GPSM2: variants seen among roughly 807,000 people sequenced by gnomAD.
GPSM2 encodes G protein-signaling modulator 2.
A neutral mutation model predicts 78.4 loss-of-function variants in GPSM2; 58 were observed. The observed-to-expected ratio is 0.74, with a 90% CI of 0.60 to 0.92. The LOEUF is 0.92. GPSM2 is among the 40% of genes least tolerant of loss of function. GPSM2 has a pLI of 0.00. For missense variants in GPSM2, 700 were observed against 815.5 expected (o/e 0.86, Z 1.73); for synonymous variants, 224 against 280.2 (o/e 0.80, Z 2.00).
intron 14 of GPSM2, chr1:108,924,436 T>A (rs1650976188): frequency 4.0e-6 from 2 of 500,836 alleles, no homozygotes; most frequent in South Asian, 4.3e-5. Flanking sequence ...AGGAGAGACG[T>A]GTGTGTGTGT....
At chr1:108,883,693 G>A (rs1005920868) in intron 1 of GPSM2, among the ~76,000 whole-genome samples, 1 of 152,102 alleles carries the variant, frequency 6.6e-6, no homozygotes, top group Non-Finnish European at 1.5e-5. Flanking sequence ...TCTCTCTAAT[G>A]TATCGGTATG....
rs975479654 is a variant in GPSM2 at position 108,928,197 on chromosome 1, A to G, written c.1816-1504A>G. Among the ~76,000 whole-genome samples the G allele has an allele frequency of 3.3e-5, 5 of 152,386 alleles. No individual in the cohort carries two copies. The East Asian group carries it at 9.6e-4, about 29-fold the overall frequency. ...TACCCAGAATATATAGAAAACTCCTAAAACTCAACAAAAACCAACCTGATT... is the reference window on the plus strand; with the variant it reads ...TACCCAGAATATATAGAAAACTCCTGAAACTCAACAAAAACCAACCTGATT... On this transcript the variant is annotated intron_variant, in intron 14 of 14. Coordinates refer to ENST00000264126, the MANE Select transcript of GPSM2 (RefSeq NM_013296.5).
Position 108,929,886 on chromosome 1 carries a change from A to C in GPSM2, c.2001A>C (p.Gln667His), listed in dbSNP as rs1250440317. The C allele has an allele frequency of 6.2e-7, 1 of 1,613,792 alleles. No homozygotes were observed. Among genetic ancestry groups the C allele is most frequent in the Non-Finnish European group, 8.5e-7 (1 of 1,179,768 alleles). ...ACTTTGGGCTAAAGGACTTTTTGCA[A>C]AATAATGCTTTGTTGGAGTTTAAAA... ...DTDFGLKDFL[Q>H]NNALLEFKNS... is the part of the protein sequence containing the mutation. Residue 667 changes from glutamine to histidine, a missense_variant, in exon 15 of 15, where the codon CAA (glutamine) becomes CAC (histidine). Gln to His is a conservative substitution (Grantham distance 24). Transcript: ENST00000264126.
chr1:108,922,121 A>G lies in GPSM2; in HGVS notation c.1441-296A>G, dbSNP rs58151869. ...CTGCAGAATGTTTAGAACTGAATGT[A>G]GAGCCTGAAGTACAGGCCTGTATCA... On this transcript the variant is annotated intron_variant, in intron 12 of 14. Coordinates refer to ENST00000264126, the MANE Select transcript of GPSM2 (RefSeq NM_013296.5). Among the ~76,000 whole-genome samples, 11,445 of 152,274 alleles carry G rather than the reference A, an allele frequency of 0.075. 471 individuals carry two copies. Among genetic ancestry groups the G allele is most frequent in the Non-Finnish European group, 0.086 (5,824 of 68,012 alleles).
At position 108,885,385 on chromosome 1, in the gene GPSM2, T is replaced by A; in HGVS notation, c.-138T>A. 1 of 548,058 alleles carries A rather than the reference T, an allele frequency of 1.8e-6. No homozygotes were observed. Among genetic ancestry groups the A allele is most frequent in the East Asian group, 2.9e-5 (1 of 34,496 alleles). 33.9% of individuals were successfully genotyped at this position (548,058 alleles called of 1,614,324 possible). On this transcript the variant is annotated 5_prime_UTR_variant, in exon 2 of 15. Transcript: ENST00000264126. ...TCCTTTCATTATTAATAAAGAAGAATCAGGAGCTTAGGATGTATTAACACC... is the reference window on the plus strand; with the variant it reads ...TCCTTTCATTATTAATAAAGAAGAAACAGGAGCTTAGGATGTATTAACACC...
At position 108,918,484 on chromosome 1, in the gene GPSM2, A is replaced by T. The variant is rs1022344128; in HGVS notation, c.1264-129A>T. ...TACTAAAAAGGATATTTTTAAAGAGATCTAAAATTCTTCCTCTCTCCCCCA... is the reference window on the plus strand; with the variant it reads ...TACTAAAAAGGATATTTTTAAAGAGTTCTAAAATTCTTCCTCTCTCCCCCA... On this transcript the variant is annotated intron_variant, in intron 11 of 14. Coordinates refer to ENST00000264126, the MANE Select transcript of GPSM2 (RefSeq NM_013296.5). 3.6e-5 allele frequency: 25 copies of T among 689,682 alleles called. 1 individual carries two copies. In the South Asian group the frequency reaches 4.3e-4, roughly 12 times the overall value. The allele number at this position is 689,682 out of a possible 1,614,324, so 42.7% of individuals were successfully genotyped here. A position where few individuals can be genotyped will look rare whatever the true frequency, so the allele number is the denominator to read the frequency against.
intron 13 of GPSM2, among the ~76,000 whole-genome samples, chr1:108,923,542 CAA>C (rs1650900253): frequency 6.6e-6 from 1 of 152,108 alleles, no homozygotes; most frequent in African/African-American, 2.4e-5. Flanking sequence ...TTTCAGCTAC[CAA>C]AAGACTTCTT....
Position 108,924,111 on chromosome 1 carries a change from G to A in GPSM2, c.1712G>A (p.Gly571Glu), listed in dbSNP as rs988531804. Residue 571 changes from glycine (G) to glutamate (E), a missense_variant, in exon 14 of 15, where the codon GGG becomes GAG. Gly to Glu is a moderately conservative substitution (Grantham distance 98). Transcript: ENST00000264126. ...AGGGCTAGTTTCAGTAATTTGCCAGGGCTTCGTCTAACACAAAACAGCCAG... is the reference window on the plus strand; with the variant it reads ...AGGGCTAGTTTCAGTAATTTGCCAGAGCTTCGTCTAACACAAAACAGCCAG... ...DQRASFSNLP[G>E]LRLTQNSQSV... The A allele has an allele frequency of 1.9e-6, 3 of 1,613,662 alleles. No individual in the cohort carries two copies. In the Admixed American group the frequency reaches 5.0e-5, roughly 27 times the overall value.
chr1:108,898,674 A>G lies in GPSM2; in HGVS notation c.590A>G (p.Asp197Gly). The change falls in exon 6 of 15, where the codon GAC (aspartate) becomes GGC (glycine). Residue 197 changes from aspartate to glycine, a missense_variant. Physicochemically the swap from Asp to Gly is moderately conservative, Grantham distance 94 (BLOSUM62 -1). Coordinates refer to ENST00000264126, the MANE Select transcript of GPSM2 (RefSeq NM_013296.5). ...ENLSLVTALG[D>G]RAAQGRAFGN... ...CTATCATTAGTGACTGCTTTGGGTG[A>G]CCGAGCGGCACAAGGACGTGCCTTT... 6.2e-7 allele frequency: 1 copy of G among 1,613,850 alleles called. No individual in the cohort carries two copies. The highest frequency in any genetic ancestry group is 8.5e-7 in the Non-Finnish European group (1 of 1,179,794).
chr1:108,883,433 T>C (rs144305454), intron 1 of GPSM2, among the ~76,000 whole-genome samples: 2 of 152,210 alleles, frequency 1.3e-5, no homozygotes, highest in Non-Finnish European at 2.9e-5. Context: ...AATGGAAGAA[T>C]TGCTCAAAGT....
At chr1:108,900,366 G>A (rs1404776073) in intron 7 of GPSM2, among the ~76,000 whole-genome samples, 4 of 151,820 alleles carry the variant, frequency 2.6e-5, no homozygotes, top group Admixed American at 2.0e-4. Flanking sequence ...CAGCTTCTGA[G>A]CAGCTGGGAT....
In GPSM2 at chr1:108,931,179, C is replaced by A. The variant is rs1451195139; in HGVS notation, c.*1239C>A. On this transcript the variant is annotated 3_prime_UTR_variant, in exon 15 of 15. Coordinates refer to ENST00000264126, the MANE Select transcript of GPSM2 (RefSeq NM_013296.5). Reference sequence around the variant, plus strand: ...TCTAATATAAAAACAAAAAACAAAACCCATGTGGTTAGGTCAAGAACCTAG... The same window carrying A: ...TCTAATATAAAAACAAAAAACAAAAACCATGTGGTTAGGTCAAGAACCTAG... The A allele has an allele frequency of 8.1e-6, 7 of 859,532 alleles. No individual in the cohort carries two copies. The highest frequency in any genetic ancestry group is 1.7e-5 in the African/African-American group (1 of 57,628). The allele number at this position is 859,532 out of a possible 1,614,324, so 53.2% of individuals were successfully genotyped here.
In GPSM2 at chr1:108,930,228, T is replaced by A. The variant is rs1233812244; in HGVS notation, c.*288T>A. The A allele has an allele frequency of 3.1e-6, 1 of 323,654 alleles. No homozygotes were observed. Among genetic ancestry groups the A allele is most frequent in the Non-Finnish European group, 5.6e-6 (1 of 177,216 alleles). 20.0% of individuals were successfully genotyped at this position (323,654 alleles called of 1,614,324 possible). A position where few individuals can be genotyped will look rare whatever the true frequency, so the allele number is the denominator to read the frequency against. On this transcript the variant is annotated 3_prime_UTR_variant, in exon 15 of 15. Transcript: ENST00000264126. ...ACCTAGTGTTTATAAAGTAGGAAGTTAAGTGAATCATAGATTAGAATTTAA... is the reference window on the plus strand; with the variant it reads ...ACCTAGTGTTTATAAAGTAGGAAGTAAAGTGAATCATAGATTAGAATTTAA...
intron 1 of GPSM2, among the ~76,000 whole-genome samples, 151 bp from the exon 2 acceptor site, chr1:108,885,124 T>G (rs754532927): frequency 1.3e-5 from 2 of 152,186 alleles, no homozygotes; most frequent in Non-Finnish European, 2.9e-5. Context: ...AGAAGCTCCA[T>G]GATGACAGTT....
intron 10 of GPSM2, among the ~76,000 whole-genome samples, chr1:108,906,745 G>C (rs113118509): frequency 5.3e-5 from 8 of 152,208 alleles, no homozygotes; most frequent in African/African-American, 1.9e-4. Flanking sequence ...AGGCACAGGG[G>C]CACAGACCTG....
intron 9 of GPSM2, among the ~76,000 whole-genome samples, chr1:108,903,675 G>A (rs1025091955): frequency 5.3e-5 from 8 of 152,152 alleles, no homozygotes; most frequent in Admixed American, 3.3e-4. Context: ...CTTGCAAAGT[G>A]TTATAACGAT....
At chr1:108,893,652 C>T (rs1364824377) in intron 2 of GPSM2, among the ~76,000 whole-genome samples, 1 of 152,074 alleles carries the variant, frequency 6.6e-6, no homozygotes, top group Non-Finnish European at 1.5e-5. Flanking sequence ...ATAAAAATAT[C>T]TTTTCCATTT....
intron 1 of GPSM2, chr1:108,882,575 T>C (rs1647213869): frequency 1.3e-5 from 2 of 152,236 alleles, no homozygotes; most frequent in Non-Finnish European, 2.9e-5. Context: ...GAATCCACTA[T>C]GCAGAACCCA....
chr1:108,925,331 A>G (rs1259765166), intron 14 of GPSM2, among the ~76,000 whole-genome samples: 2 of 152,226 alleles, frequency 1.3e-5, no homozygotes, highest in Non-Finnish European at 2.9e-5. Context: ...AATTTGATGT[A>G]AAATCTGGAG....
Sources: allele counts gnomAD v4.1 joint callset (sites outside exome capture counted in the v4.1 genomes callset), GRCh38; gene constraint gnomAD v4.1.1; transcripts MANE v1.5; gene names NCBI Gene and HGNC (gene_info 2026-07-23, HGNC 2026-07-21).